The following NR1H4 variants were observed in gnomAD, a reference collection of about 807,000 sequenced individuals.
NR1H4 encodes the protein nuclear receptor subfamily 1 group H member 4.
A neutral mutation model predicts 58.5 loss-of-function variants in NR1H4; 23 were observed. That is an observed-to-expected ratio of 0.39 (90% CI 0.28 to 0.56). The LOEUF (loss-of-function observed/expected upper bound fraction) is 0.56, where lower values mean the gene tolerates loss of function less well. Among genes scored for constraint, NR1H4 ranks in the 20% least tolerant of loss-of-function variants. The pLI, the probability that NR1H4 is intolerant of heterozygous loss-of-function variation, is 0.58. For missense variants in NR1H4, 487 were observed against 576.9 expected (o/e 0.84, Z 1.60); for synonymous variants, 214 against 198.0 (o/e 1.08, Z -0.68).
rs577872316 is a variant in NR1H4, at chr12:100,559,401, C to T, written c.1079-2484C>T. Among the ~76,000 whole-genome samples, 18 of 152,332 alleles carry T rather than the reference C, an allele frequency of 1.2e-4. No homozygotes were observed. In the East Asian group the frequency reaches 3.3e-3, roughly 28 times the overall value. ...TGGAGGGAGAGACGCGAGCGGGAAC[C>T]GGGGCTGCGTGCAGCGCTTGCAGGC... On this transcript the variant is annotated intron_variant, in intron 9 of 10. Coordinates refer to ENST00000392986, the MANE Select transcript of NR1H4 (RefSeq NM_001206979.2).
intron 1 of NR1H4, among the ~76,000 whole-genome samples, chr12:100,483,579 T>C (rs547870750): frequency 5.9e-5 from 9 of 152,240 alleles, no homozygotes; most frequent in Non-Finnish European, 1.3e-4. Context: ...ATTCTAAATC[T>C]GTATTTCTGT....
chr12:100,534,064 T>A (rs560613314), intron 5 of NR1H4, among the ~76,000 whole-genome samples: 1 of 151,838 alleles, frequency 6.6e-6, no homozygotes, highest in South Asian at 2.1e-4. Context: ...GCCCGGCTAA[T>A]TTTTTGTATT....
At chr12:100,551,712 C>T (rs7133810) in intron 9 of NR1H4, among the ~76,000 whole-genome samples, 46 of 152,268 alleles carry the variant, frequency 3.0e-4, no homozygotes, top group African/African-American at 8.7e-4. Flanking sequence ...TGTACTTGCT[C>T]GGTTTTAGAT....
At chr12:100,487,595 C>CTTTTTTTTTTT (rs34694873) in intron 1 of NR1H4, among the ~76,000 whole-genome samples, 1 of 115,984 alleles carries the variant, frequency 8.6e-6, no homozygotes, top group Non-Finnish European at 1.7e-5. Flanking sequence ...TCTTCTTCTT[C>CTTTTTTTTTTT]TTTTTTTTTT....
intron 4 of NR1H4, chr12:100,525,038 C>G (rs997008727): frequency 6.6e-6 from 1 of 152,202 alleles, no homozygotes; most frequent in South Asian, 2.1e-4. Context: ...ATTTTGGAGA[C>G]GATGCTTTTA....
At chr12:100,477,514 G>A (rs1242260717) in intron 1 of NR1H4, among the ~76,000 whole-genome samples, 2 of 152,150 alleles carry the variant, frequency 1.3e-5, no homozygotes, top group Non-Finnish European at 2.9e-5. Flanking sequence ...TGTTATTAAT[G>A]TAAAGAAAAG....
At chr12:100,509,221 T>G (rs1954044745) in intron 3 of NR1H4, among the ~76,000 whole-genome samples, 1 of 152,248 alleles carries the variant, frequency 6.6e-6, no homozygotes, top group Non-Finnish European at 1.5e-5. Context: ...AGAGATGGAA[T>G]TGGAATTTTG....
rs1473755534 is a variant in NR1H4, at chr12:100,563,300, A to T, written c.1242A>T (p.Pro414=). The T allele has an allele frequency of 6.2e-7, 1 of 1,614,190 alleles. No homozygotes were observed. The highest frequency in any genetic ancestry group is 8.5e-7 in the Non-Finnish European group (1 of 1,180,018). Reference sequence around the variant, plus strand: ...AGGCAGTAGAGAAGCTTCAGGAGCCACTTCTTGATGTGCTACAAAAGTTGT... The same window carrying T: ...AGGCAGTAGAGAAGCTTCAGGAGCCTCTTCTTGATGTGCTACAAAAGTTGT... ...DREAVEKLQE[P]LLDVLQKLCK... Residue 414 remains proline, a synonymous_variant, in exon 11 of 11, where the codon CCA becomes CCT. Transcript: ENST00000392986.
chr12:100,523,233 T>TA (rs1270674547), intron 4 of NR1H4, among the ~76,000 whole-genome samples: 4 of 152,194 alleles, frequency 2.6e-5, no homozygotes, highest in Admixed American at 6.6e-5. Context: ...TTTGACTTTT[T>TA]AAAAATGGGC....
At chr12:100,494,866 G>A (rs1395878505) in intron 3 of NR1H4, among the ~76,000 whole-genome samples, 4 of 152,162 alleles carry the variant, frequency 2.6e-5, no homozygotes, top group Non-Finnish European at 5.9e-5. Context: ...ATTTCCTGCT[G>A]TAAAATTTTA....
chr12:100,511,632 A>G (rs1378670314), intron 4 of NR1H4, among the ~76,000 whole-genome samples: 1 of 151,328 alleles, frequency 6.6e-6, no homozygotes, highest in African/African-American at 2.5e-5. Flanking sequence ...ATTACAAAAA[A>G]ATATTTTAAC....
intron 10 of NR1H4, among the ~76,000 whole-genome samples, chr12:100,562,303 G>A (rs1243624555): frequency 6.6e-6 from 1 of 152,102 alleles, no homozygotes; most frequent in Non-Finnish European, 1.5e-5. Flanking sequence ...GGTAGGATGA[G>A]AAAGATAATA....
intron 10 of NR1H4, among the ~76,000 whole-genome samples, 160 bp from the exon 11 acceptor site, chr12:100,563,091 G>A (rs892419054): frequency 4.6e-5 from 7 of 152,250 alleles, no homozygotes; most frequent in African/African-American, 7.2e-5. Flanking sequence ...TTATAATTAC[G>A]TGTGTGTGCA....
intron 9 of NR1H4, among the ~76,000 whole-genome samples, chr12:100,554,062 T>C (rs1214793483): frequency 6.6e-6 from 1 of 152,210 alleles, no homozygotes; most frequent in Non-Finnish European, 1.5e-5. Flanking sequence ...AGGGAGCCTG[T>C]GCAGGCAACA....
rs552007093 is a variant in NR1H4, at chr12:100,559,189, G to T, written c.1079-2696G>T. 7.9e-5 allele frequency among the ~76,000 whole-genome samples: 12 copies of T among 152,232 alleles called. No individual in the cohort carries two copies. In the East Asian group the frequency reaches 9.7e-4, roughly 12 times the overall value. On this transcript the variant is annotated intron_variant, in intron 9 of 10. Coordinates refer to ENST00000392986, the MANE Select transcript of NR1H4 (RefSeq NM_001206979.2). ...GTGATGTGATCTGATTTTTAGAAAG[G>T]TCATTCCAATGAGAGGTGACAGCGT...
intron 3 of NR1H4, chr12:100,505,886 G>A: frequency 2.9e-6 from 1 of 344,764 alleles, no homozygotes; most frequent in East Asian, 6.3e-5. Context: ...CCTAACCCTT[G>A]ACATCCCCAC....
intron 1 of NR1H4, among the ~76,000 whole-genome samples, chr12:100,492,105 G>A (rs1188058983): frequency 1.3e-5 from 2 of 152,140 alleles, no homozygotes; most frequent in Non-Finnish European, 2.9e-5. Flanking sequence ...ATCTAGCACA[G>A]AGTTTAGTGC....
At chr12:100,539,979 C>T (rs1395365236) in intron 8 of NR1H4, among the ~76,000 whole-genome samples, 4 of 152,142 alleles carry the variant, frequency 2.6e-5, no homozygotes, top group Admixed American at 1.3e-4. Context: ...GTGTTCACAG[C>T]AGGGCCAGGT....
In NR1H4 at chr12:100,537,063, T is replaced by C; in HGVS notation, c.931+16T>C. On this transcript the variant is annotated intron_variant, in intron 8 of 10. Coordinates refer to ENST00000392986, the MANE Select transcript of NR1H4 (RefSeq NM_001206979.2). ...AAGCTACCAGGTATTTTTTAAATAA[T>C]CAAAGTTAATATTTATTGAGAGTTT... is the stretch of plus-strand genomic sequence containing the variant. 1 of 1,434,386 alleles carries C rather than the reference T, an allele frequency of 7.0e-7. No homozygotes were observed. Among genetic ancestry groups the C allele is most frequent in the Non-Finnish European group, 9.8e-7 (1 of 1,021,994 alleles). The allele number at this position is 1,434,386 out of a possible 1,614,324, so 88.9% of individuals were successfully genotyped here.
Sources: allele counts gnomAD v4.1 joint callset (sites outside exome capture counted in the v4.1 genomes callset), GRCh38; gene constraint gnomAD v4.1.1; transcripts MANE v1.5; gene names NCBI Gene and HGNC (gene_info 2026-07-23, HGNC 2026-07-21).